Variants in GRIN2B observed in about 807,000 individuals in gnomAD.
The protein encoded by GRIN2B is glutamate ionotropic receptor NMDA type subunit 2B.
A neutral mutation model predicts 114.5 loss-of-function variants in GRIN2B; 5 were observed. The ratio of observed to expected loss-of-function variants is 0.04; its 90% confidence interval spans 0.02 to 0.09. The LOEUF (loss-of-function observed/expected upper bound fraction) is 0.09, where lower values mean the gene tolerates loss of function less well. GRIN2B is among the 10% of genes least tolerant of loss of function. The pLI is 1.00. For synonymous variants in GRIN2B, 787 were observed against 745.1 expected (o/e 1.06, Z -0.92); for missense variants, 1,108 against 1,943.5 (o/e 0.57, Z 8.08).
chr12:13,723,782 G>C (rs1485957756), intron 4 of GRIN2B, among the ~76,000 whole-genome samples: 2 of 152,086 alleles, frequency 1.3e-5, no homozygotes, highest in Non-Finnish European at 2.9e-5. Context: ...ATGAGCAGTT[G>C]GCTGGCTTTG....
Position 13,563,744 on chromosome 12 carries a change from T to C in GRIN2B, c.3494A>G (p.Asp1165Gly). The change falls in exon 14 of 14, where the codon GAC (aspartate) becomes GGC (glycine). Residue 1165 changes from aspartate (D) to glycine (G), a missense_variant. Transcript: ENST00000609686. ...YKERSDDFKR[D>G]SVSGGGPCTN... is the part of the protein sequence containing the mutation. ...ACAGGGCCCTCCTCCGCTGACGGAG[T>C]CGCGCTTAAAGTCATCACTCCGCTC... 3 of 1,613,798 alleles carry C rather than the reference T, an allele frequency of 1.9e-6. No individual in the cohort carries two copies. Among genetic ancestry groups the C allele is most frequent in the Non-Finnish European group, 8.5e-7 (1 of 1,180,014 alleles).
chr12:13,864,505 G>A (rs1477038471), intron 3 of GRIN2B, among the ~76,000 whole-genome samples: 1 of 152,196 alleles, frequency 6.6e-6, no homozygotes, highest in Non-Finnish European at 1.5e-5. Context: ...GATGAAAAAT[G>A]ATAAACGTAG....
At chr12:13,941,488 G>C (rs1213936167) in intron 2 of GRIN2B, among the ~76,000 whole-genome samples, 1 of 152,176 alleles carries the variant, frequency 6.6e-6, no homozygotes, top group Non-Finnish European at 1.5e-5. Context: ...GAACGGGATT[G>C]GGTGTGACCT....
At chr12:13,757,378 G>A (rs1863594645) in intron 3 of GRIN2B, among the ~76,000 whole-genome samples, 1 of 152,078 alleles carries the variant, frequency 6.6e-6, no homozygotes, top group African/African-American at 2.4e-5. Flanking sequence ...TGCAAATTAT[G>A]GCCATAGCCA....
chr12:13,607,292 AT>A (rs1463126941), intron 10 of GRIN2B, among the ~76,000 whole-genome samples: 18,032 of 38,478 alleles, frequency 0.47, 3,178 homozygotes, highest in Middle Eastern at 0.57. Flanking sequence ...TATATATTAT[AT>A]AAAAATATAT....
At chr12:13,660,432 C>T (rs1236715905) in intron 5 of GRIN2B, among the ~76,000 whole-genome samples, 4 of 152,166 alleles carry the variant, frequency 2.6e-5, no homozygotes, top group African/African-American at 4.8e-5. Flanking sequence ...CATAGAAGAG[C>T]CCTTCAGTTT....
At position 13,562,815 on chromosome 12, in the gene GRIN2B, C is replaced by A. The variant is rs1555101495; in HGVS notation, c.4423G>T (p.Glu1475Ter). Residue 1475 changes from glutamate to a stop codon, truncating the protein, a stop_gained, in exon 14 of 14, where the codon GAG (glutamate) becomes TAG (stop). Coordinates refer to ENST00000609686, the MANE Select transcript of GRIN2B (RefSeq NM_000834.5). LOFTEE classifies it high-confidence loss of function. ...FNGSSNGHVY[E>*]KLSSIESDV ...TCAGACTCAATACTAGAAAGTTTCT[C>A]ATAAACATGCCCATTGCTGGAGCCA... is the stretch of plus-strand genomic sequence containing the variant. 1 of 1,614,180 alleles carries A rather than the reference C, an allele frequency of 6.2e-7. No individual in the cohort carries two copies. Among genetic ancestry groups the A allele is most frequent in the South Asian group, 1.1e-5 (1 of 91,072 alleles).
In GRIN2B at chr12:13,907,807, A is replaced by G. The variant is rs185808591; in HGVS notation, c.-18-41581T>C. On this transcript the variant is annotated intron_variant, in intron 2 of 13. Coordinates refer to ENST00000609686, the MANE Select transcript of GRIN2B (RefSeq NM_000834.5). ...CAATTTTTTTAAAAAAAAGTATATG[A>G]ACAAGAGCTCAAGACATGGCAAATT... is the stretch of plus-strand genomic sequence containing the variant. 2.2e-4 allele frequency among the ~76,000 whole-genome samples: 34 copies of G among 152,304 alleles called. No homozygotes were observed. In the East Asian group the frequency reaches 6.4e-3, roughly 29 times the overall value.
At chr12:13,826,973 A>G (rs977869906) in intron 3 of GRIN2B, among the ~76,000 whole-genome samples, 4 of 149,378 alleles carry the variant, frequency 2.7e-5, no homozygotes, top group Admixed American at 1.3e-4. Flanking sequence ...ATATTTTTGT[A>G]TCTTTTTAAA....
In GRIN2B at chr12:13,705,073, T is replaced by C. The variant is rs569196213; in HGVS notation, c.1011-29214A>G. Among the ~76,000 whole-genome samples the C allele has an allele frequency of 7.2e-5, 9 of 124,730 alleles. No homozygotes were observed. In the South Asian group the frequency reaches 2.2e-3, roughly 31 times the overall value. 81.8% of individuals were successfully genotyped at this position (124,730 alleles called of 152,430 possible). A position where few individuals can be genotyped will look rare whatever the true frequency, so the allele number is the denominator to read the frequency against. On this transcript the variant is annotated intron_variant, in intron 4 of 13. Coordinates refer to ENST00000609686, the MANE Select transcript of GRIN2B (RefSeq NM_000834.5). The stretch of plus-strand genomic sequence containing the variant: ...GATTTGACAATCCTATCCATTCTTT[T>C]TTCCTTCCCCCTGATAATGATTTGC...
Position 13,596,342 on chromosome 12 carries a change from T to C in GRIN2B, c.2010+12261A>G, listed in dbSNP as rs1256872106. ...GTGGTGCTAGTGATAAGCTGGGAGA[T>C]GTGTAGAGGAGTTTCACAGAATTAA... On this transcript the variant is annotated intron_variant, in intron 10 of 13. Coordinates refer to ENST00000609686, the MANE Select transcript of GRIN2B (RefSeq NM_000834.5). 2.6e-5 allele frequency among the ~76,000 whole-genome samples: 4 copies of C among 152,218 alleles called. No homozygotes were observed. The South Asian group carries it at 8.3e-4, about 32-fold the overall frequency.
chr12:13,752,453 T>C (rs1446040668), intron 4 of GRIN2B, among the ~76,000 whole-genome samples: 2 of 152,266 alleles, frequency 1.3e-5, no homozygotes, highest in African/African-American at 4.8e-5. Flanking sequence ...TTATCTCCAA[T>C]TAGTTGGATT....
chr12:13,928,026 T>A (rs941712798), intron 2 of GRIN2B, among the ~76,000 whole-genome samples: 32 of 142,958 alleles, frequency 2.2e-4, no homozygotes, highest in Admixed American at 6.5e-4. Flanking sequence ...AATAAAAAGT[T>A]GGAGGCCAGG....
At chr12:13,574,863 G>T (rs1298402155) in intron 10 of GRIN2B, among the ~76,000 whole-genome samples, 2 of 152,330 alleles carry the variant, frequency 1.3e-5, no homozygotes, top group African/African-American at 2.4e-5. Flanking sequence ...GTAATCACGA[G>T]AGTGTGGCAT....
chr12:13,613,866 C>A (rs147410004), intron 8 of GRIN2B, among the ~76,000 whole-genome samples: 1 of 151,890 alleles, frequency 6.6e-6, no homozygotes, highest in Non-Finnish European at 1.5e-5. Context: ...GTAAACACAC[C>A]CTGCCTGACA....
intron 5 of GRIN2B, among the ~76,000 whole-genome samples, chr12:13,651,738 C>G (rs1949814924): frequency 6.6e-6 from 1 of 152,084 alleles, no homozygotes. Flanking sequence ...AAGTTGTTTT[C>G]TAGTGCCAGT....
chr12:13,963,231 C>T (rs1165422014), intron 2 of GRIN2B, among the ~76,000 whole-genome samples: 3 of 152,148 alleles, frequency 2.0e-5, no homozygotes, highest in Non-Finnish European at 2.9e-5. Flanking sequence ...CTGGATCGCC[C>T]CCTTGGACAC....
chr12:13,829,089 A>G (rs193047725), intron 3 of GRIN2B, among the ~76,000 whole-genome samples: 1 of 152,168 alleles, frequency 6.6e-6, no homozygotes, highest in African/African-American at 2.4e-5. Context: ...AGGCCATCAC[A>G]TAGGGGGCAT....
chr12:13,599,485 C>G (rs1949124259), intron 10 of GRIN2B, among the ~76,000 whole-genome samples: 1 of 152,138 alleles, frequency 6.6e-6, no homozygotes, highest in African/African-American at 2.4e-5. Context: ...ATATAAATTT[C>G]CATGCTGCAT....
Sources: gnomAD v4.1 joint callset for allele counts (sites outside exome capture counted in the v4.1 genomes callset) on GRCh38, gnomAD v4.1.1 for gene constraint, MANE v1.5 for transcripts, NCBI Gene and HGNC (gene_info 2026-07-23, HGNC 2026-07-21) for gene names.